Variants in CFAP299 observed in about 807,000 individuals in gnomAD.
CFAP299 encodes the protein cilia and flagella associated protein 299, also known as cilia- and flagella-associated protein 299.
A neutral mutation model predicts 27.0 loss-of-function variants in CFAP299; 21 were observed. The observed-to-expected ratio is 0.78, with a 90% confidence interval of 0.55 to 1.12. The LOEUF is 1.12. CFAP299 is among the 50% of genes most tolerant of loss of function. The pLI is 0.00. For synonymous variants in CFAP299, 104 were observed against 98.1 expected (o/e 1.06, Z -0.36); for missense variants, 310 against 276.6 (o/e 1.12, Z -0.86).
At chr4:80,920,442 A>G (rs530166154) in intron 4 of CFAP299, among the ~76,000 whole-genome samples, 2 of 152,196 alleles carry the variant, frequency 1.3e-5, no homozygotes, top group South Asian at 4.2e-4. Flanking sequence ...CTCATGACTG[A>G]AGTCTTTATA....
chr4:80,731,623 T>G (rs966997878), intron 3 of CFAP299, among the ~76,000 whole-genome samples: 12 of 152,224 alleles, frequency 7.9e-5, no homozygotes, highest in African/African-American at 2.6e-4. Context: ...CTCTCTCTCA[T>G]TCAGCATGCC....
chr4:80,882,874 G>C (rs575657527), intron 4 of CFAP299, among the ~76,000 whole-genome samples: 1 of 152,198 alleles, frequency 6.6e-6, no homozygotes, highest in South Asian at 2.1e-4. Flanking sequence ...AATTGAGAGA[G>C]CTCATTACAA....
At chr4:80,352,114 T>C (rs149090691) in intron 1 of CFAP299, among the ~76,000 whole-genome samples, 16 of 152,288 alleles carry the variant, frequency 1.1e-4, no homozygotes, top group African/African-American at 3.6e-4. Context: ...ATACATTAGC[T>C]TACATGCCTC....
chr4:80,353,292 A>G (rs139950933), intron 1 of CFAP299, among the ~76,000 whole-genome samples: 1 of 152,272 alleles, frequency 6.6e-6, no homozygotes, highest in East Asian at 1.9e-4. Flanking sequence ...ACTCGAAAGG[A>G]CCATCCAACT....
intron 2 of CFAP299, among the ~76,000 whole-genome samples, chr4:80,486,861 T>G (rs1312520945): frequency 6.6e-6 from 1 of 152,244 alleles, no homozygotes; most frequent in Non-Finnish European, 1.5e-5. Flanking sequence ...TGGCCAGCAT[T>G]GGCTGGGGCC....
intron 3 of CFAP299, among the ~76,000 whole-genome samples, chr4:80,826,234 A>G (rs1729977643): frequency 6.6e-6 from 1 of 151,838 alleles, no homozygotes; most frequent in African/African-American, 2.4e-5. Context: ...TAATATACAC[A>G]AGAGAACATG....
intron 3 of CFAP299, 57 bp from the exon 4 acceptor site, chr4:80,869,936 T>C (rs1324950471): frequency 1.3e-6 from 2 of 1,501,212 alleles, no homozygotes; most frequent in East Asian, 2.3e-5. Context: ...CCTATGGCAT[T>C]CCATAATAAA....
intron 3 of CFAP299, among the ~76,000 whole-genome samples, chr4:80,700,898 G>T (rs1385886): frequency 0.069 from 10,488 of 152,034 alleles, 813 homozygotes; most frequent in African/African-American, 0.18. Flanking sequence ...AAATACTAAT[G>T]ATTTACTAAT....
At chr4:80,779,292 AT>A (rs1726737270) in intron 3 of CFAP299, among the ~76,000 whole-genome samples, 1 of 152,022 alleles carries the variant, frequency 6.6e-6, no homozygotes, top group South Asian at 2.1e-4. Flanking sequence ...CTAAGTGAGC[AT>A]TTTTTGAGTC....
chr4:80,951,649 T>C (rs1737783989), intron 5 of CFAP299, among the ~76,000 whole-genome samples: 1 of 152,188 alleles, frequency 6.6e-6, no homozygotes, highest in Admixed American at 6.5e-5. Flanking sequence ...TGAATCCATC[T>C]ATGGTGAGTC....
At chr4:80,843,998 G>A (rs1483068556) in intron 3 of CFAP299, among the ~76,000 whole-genome samples, 3 of 152,048 alleles carry the variant, frequency 2.0e-5, no homozygotes, top group Non-Finnish European at 4.4e-5. Context: ...GTGAGAACAT[G>A]CGGTGTTTGG....
rs139057635 is a variant in CFAP299, at chr4:80,418,665, C to T, written c.242+55781C>T. Among the ~76,000 whole-genome samples, 360 of 152,220 alleles carry T rather than the reference C, an allele frequency of 2.4e-3. 2 individuals are homozygous for T. The highest frequency in any genetic ancestry group is 7.9e-3 in the African/African-American group (328 of 41,544). On this transcript the variant is annotated intron_variant, in intron 2 of 5. Coordinates refer to ENST00000358105, the MANE Select transcript of CFAP299 (RefSeq NM_152770.3). The stretch of plus-strand genomic sequence containing the variant: ...TTCCCCCCATTCCATGGTGGAAGAG[C>T]GTCTTGTAAGCACCATTCTACTCTC...
At chr4:80,745,674 C>A (rs950498764) in intron 3 of CFAP299, among the ~76,000 whole-genome samples, 1 of 151,664 alleles carries the variant, frequency 6.6e-6, no homozygotes, top group African/African-American at 2.4e-5. Context: ...ATAATTGAAC[C>A]AATATGGACT....
chr4:80,795,860 C>T (rs1727829831), intron 3 of CFAP299, among the ~76,000 whole-genome samples: 1 of 152,092 alleles, frequency 6.6e-6, no homozygotes. Flanking sequence ...TAGTTATTTG[C>T]AGAAGATGGC....
chr4:80,738,701 G>A (rs545851896), intron 3 of CFAP299, among the ~76,000 whole-genome samples: 1 of 149,840 alleles, frequency 6.7e-6, no homozygotes, highest in Admixed American at 6.6e-5. Flanking sequence ...CTATGTCTTT[G>A]CTGGGAGAGT....
chr4:80,406,519 C>G (rs559163752), intron 2 of CFAP299, among the ~76,000 whole-genome samples: 1 of 152,214 alleles, frequency 6.6e-6, no homozygotes, highest in East Asian at 1.9e-4. Flanking sequence ...CTCATGCCAC[C>G]ACACCCAGCT....
intron 2 of CFAP299, chr4:80,387,998 TG>T (rs1725111878): frequency 5.6e-6 from 4 of 720,006 alleles, no homozygotes. Flanking sequence ...CTCCACACAC[TG>T]GTTTGGCACC....
rs368315149 is a variant in CFAP299, at chr4:80,341,107, A to G, written c.111+5228A>G. The stretch of plus-strand genomic sequence containing the variant: ...GCTTCTTTGAGTTAGATTCCAATCC[A>G]TTCCTTCCCACTGGGCAGGGGCCTC... On this transcript the variant is annotated intron_variant, in intron 1 of 5. Transcript: ENST00000358105. Among the ~76,000 whole-genome samples the G allele has an allele frequency of 1.3e-3, 192 of 152,210 alleles. 2 individuals carry two copies. The highest frequency in any genetic ancestry group is 4.5e-3 in the African/African-American group (186 of 41,534).
chr4:80,706,899 T>C (rs1721851844), intron 3 of CFAP299, among the ~76,000 whole-genome samples: 1 of 151,846 alleles, frequency 6.6e-6, no homozygotes, highest in Non-Finnish European at 1.5e-5. Flanking sequence ...TGAAATAAAA[T>C]TGGAAGTAGG....
Sources: allele counts gnomAD v4.1 joint callset (sites outside exome capture counted in the v4.1 genomes callset), GRCh38; gene constraint gnomAD v4.1.1; transcripts MANE v1.5; gene names NCBI Gene and HGNC (gene_info 2026-07-23, HGNC 2026-07-21).